BCAT1: variants seen among roughly 807,000 people sequenced by gnomAD.
BCAT1 encodes the protein branched-chain-amino-acid aminotransferase, cytosolic.
A neutral mutation model predicts 52.4 loss-of-function variants in BCAT1; 48 were observed. The ratio of observed to expected loss-of-function variants is 0.92; its 90% CI spans 0.73 to 1.16. BCAT1 has a LOEUF of 1.16. Among genes scored for constraint, BCAT1 ranks in the 50% most tolerant of loss-of-function variants. BCAT1 has a pLI of 0.00. For missense variants in BCAT1, 451 were observed against 457.1 expected (o/e 0.99, Z 0.12); for synonymous variants, 167 against 161.3 (o/e 1.04, Z -0.27).
intron 4 of BCAT1, 71 bp downstream of exon 4, chr12:24,881,230 T>A: frequency 9.2e-7 from 1 of 1,081,194 alleles, no homozygotes; most frequent in Non-Finnish European, 1.4e-6. Flanking sequence ...TCAGAAATTA[T>A]TTATTTGGTG....
intron 3 of BCAT1, among the ~76,000 whole-genome samples, chr12:24,890,962 G>A (rs966321686): frequency 1.3e-5 from 2 of 152,106 alleles, no homozygotes; most frequent in African/African-American, 4.8e-5. Context: ...CACCCAGCTG[G>A]GGTTCACTGC....
At chr12:24,854,657 T>C (rs79662654) in intron 5 of BCAT1, among the ~76,000 whole-genome samples, 9,152 of 152,220 alleles carry the variant, frequency 0.06, 356 homozygotes, top group Non-Finnish European at 0.08. Flanking sequence ...CCCCCAATAG[T>C]ATGCATTGCT....
chr12:24,832,930 T>C, intron 8 of BCAT1, 67 bp from the exon 9 acceptor site: 1 of 1,439,952 alleles, frequency 6.9e-7, no homozygotes, highest in Non-Finnish European at 9.4e-7. Context: ...ATTGCAATAC[T>C]TACTGTTCTG....
chr12:24,831,236 G>T (rs1214418033), intron 9 of BCAT1, among the ~76,000 whole-genome samples: 1 of 152,062 alleles, frequency 6.6e-6, no homozygotes, highest in Non-Finnish European at 1.5e-5. Context: ...TTACTTTATT[G>T]TAAGAATACA....
rs568624412 is a variant in BCAT1, at chr12:24,814,305, T to C, written c.*3703A>G. On this transcript the variant is annotated 3_prime_UTR_variant, in exon 11 of 11. Transcript: ENST00000261192. ...GCTTACTTGGTACCTCTGATGAATA[T>C]TTATTGCTCTAAATGTTTTAGAAAC... 43 of 152,204 alleles carry C rather than the reference T, an allele frequency of 2.8e-4. No individual in the cohort carries two copies. Among genetic ancestry groups the C allele is most frequent in the African/African-American group, 1.0e-3 (42 of 41,570 alleles). 9.4% of individuals were successfully genotyped at this position (152,204 alleles called of 1,614,324 possible).
intron 6 of BCAT1, among the ~76,000 whole-genome samples, chr12:24,844,756 G>T (rs960417027): frequency 1.3e-5 from 2 of 151,448 alleles, no homozygotes; most frequent in African/African-American, 4.9e-5. Context: ...AATTATCCGG[G>T]CGTGGTGGCT....
chr12:24,866,250 C>A (rs1367187738), intron 5 of BCAT1, among the ~76,000 whole-genome samples: 1 of 152,222 alleles, frequency 6.6e-6, no homozygotes, highest in African/African-American at 2.4e-5. Flanking sequence ...CACCGGGTCC[C>A]CCAGCAGTGC....
intron 1 of BCAT1, among the ~76,000 whole-genome samples, chr12:24,935,298 A>G (rs10842431): frequency 0.55 from 83,493 of 152,114 alleles, 23,150 homozygotes; most frequent in South Asian, 0.7. Context: ...CATGAAGCCA[A>G]GGCATTCTGG....
chr12:24,842,060 C>G (rs1004871756), intron 7 of BCAT1, 22 bp downstream of exon 7: 1 of 1,610,722 alleles, frequency 6.2e-7, no homozygotes, highest in South Asian at 1.1e-5. Context: ...GAAATGCACA[C>G]AGTGAAATCT....
In BCAT1 at chr12:24,813,059, C is replaced by A. The variant is rs769549167; in HGVS notation, c.*4949G>T. 6.6e-6 allele frequency: 1 copy of A among 151,902 alleles called. No individual in the cohort carries two copies. Among genetic ancestry groups the A allele is most frequent in the Non-Finnish European group, 1.5e-5 (1 of 67,850 alleles). 9.4% of individuals were successfully genotyped at this position (151,902 alleles called of 1,614,324 possible). On this transcript the variant is annotated 3_prime_UTR_variant, in exon 11 of 11. Coordinates refer to ENST00000261192, the MANE Select transcript of BCAT1 (RefSeq NM_005504.7). ...TTCAAATTTGTTCTTCTTTTTCTCC[C>A]CCATCACCCCCATTTCAATTTTTAA...
chr12:24,836,420 C>T (rs1274874987), intron 8 of BCAT1, 91 bp downstream of exon 8: 1 of 1,112,264 alleles, frequency 9.0e-7, no homozygotes, highest in African/African-American at 1.6e-5. Flanking sequence ...TTGGTTGGAA[C>T]CACAGGATAT....
chr12:24,864,510 C>T (rs982696080), intron 5 of BCAT1, among the ~76,000 whole-genome samples: 1 of 152,142 alleles, frequency 6.6e-6, no homozygotes, highest in Admixed American at 6.5e-5. Context: ...TCTACTTAGT[C>T]ACATGTCCCT....
chr12:24,875,276 T>C (rs1942300757), intron 5 of BCAT1, among the ~76,000 whole-genome samples: 1 of 152,218 alleles, frequency 6.6e-6, no homozygotes, highest in Admixed American at 6.5e-5. Flanking sequence ...CAGATCTATT[T>C]AAATCCATAT....
chr12:24,865,307 T>C (rs958140633), intron 5 of BCAT1, among the ~76,000 whole-genome samples: 4 of 152,256 alleles, frequency 2.6e-5, no homozygotes, highest in Non-Finnish European at 5.9e-5. Flanking sequence ...CTTCTCCATC[T>C]TAGTAACTGA....
At chr12:24,828,169 C>A (rs1940489608) in intron 10 of BCAT1, among the ~76,000 whole-genome samples, 2 of 152,212 alleles carry the variant, frequency 1.3e-5, no homozygotes, top group South Asian at 4.1e-4. Context: ...CGACATCACT[C>A]AAATGATCAA....
chr12:24,856,117 CT>C lies in BCAT1; in HGVS notation c.511-6169del, dbSNP rs1171365461. On this transcript the variant is annotated intron_variant, in intron 5 of 10. Coordinates refer to ENST00000261192, the MANE Select transcript of BCAT1 (RefSeq NM_005504.7). ...ACCTCTGCACCTTACATGTAAGCCA[CT>C]GTGGAGTTCAGGTCTTAAGCATGAG... Among the ~76,000 whole-genome samples, 11 of 152,296 alleles carry C rather than the reference CT, an allele frequency of 7.2e-5. No individual in the cohort carries two copies. The East Asian group carries it at 2.1e-3, about 29-fold the overall frequency.
intron 1 of BCAT1, among the ~76,000 whole-genome samples, chr12:24,941,192 A>AT (rs1445669585): frequency 1.3e-5 from 2 of 152,208 alleles, no homozygotes; most frequent in African/African-American, 2.4e-5. Flanking sequence ...CCTATGTAGC[A>AT]TCTTTTTGTA....
At chr12:24,833,309 A>G (rs1940767502) in intron 8 of BCAT1, among the ~76,000 whole-genome samples, 1 of 152,122 alleles carries the variant, frequency 6.6e-6, no homozygotes, top group Non-Finnish European at 1.5e-5. Context: ...ACTTGAGGTC[A>G]GGAGTTTGAG....
intron 3 of BCAT1, among the ~76,000 whole-genome samples, chr12:24,887,080 A>AAAAAAAAAAAAAAAAAATATATAT (rs1245203518): frequency 2.5e-5 from 1 of 40,748 alleles, no homozygotes; most frequent in African/African-American, 7.7e-5. Flanking sequence ...AAAAAAAAAA[A>AAAAAAAAAAAAAAAAAATATATAT]ATATATATAT....
Sources: allele counts gnomAD v4.1 joint callset (sites outside exome capture counted in the v4.1 genomes callset), GRCh38; gene constraint gnomAD v4.1.1; transcripts MANE v1.5; gene names NCBI Gene and HGNC (gene_info 2026-07-23, HGNC 2026-07-21).